The following LRRC17 variants were observed in gnomAD, a reference collection of about 807,000 sequenced individuals.
LRRC17 encodes the protein leucine rich repeat containing 17, also known as leucine-rich repeat-containing protein 17.
In LRRC17, 33 loss-of-function variants were observed where a neutral mutation model predicts 41.5. The observed-to-expected ratio is 0.80, with a 90% confidence interval of 0.60 to 1.06. The LOEUF (loss-of-function observed/expected upper bound fraction) is 1.06, where lower values mean the gene tolerates loss of function less well. Ranked by LOEUF, LRRC17 falls within the 50% of genes least tolerant of loss-of-function variation. The pLI is 0.00. For synonymous variants in LRRC17, 192 were observed against 197.0 expected (o/e 0.97, Z 0.21); for missense variants, 491 against 519.3 (o/e 0.95, Z 0.53).
chr7:102,918,523 A>ACTACACCCT (rs1402514982), intron 1 of LRRC17, among the ~76,000 whole-genome samples: 3 of 152,232 alleles, frequency 2.0e-5, no homozygotes, highest in African/African-American at 7.2e-5. Context: ...TGTGATATAA[A>ACTACACCCT]CTACACCCTG....
chr7:102,916,285 C>A (rs1211091143), intron 1 of LRRC17, among the ~76,000 whole-genome samples: 2 of 152,138 alleles, frequency 1.3e-5, no homozygotes, highest in Non-Finnish European at 2.9e-5. Context: ...GTGCAACTAG[C>A]CGAGATGAGT....
chr7:102,938,210 T>C (rs1820702993), intron 2 of LRRC17, among the ~76,000 whole-genome samples: 1 of 152,230 alleles, frequency 6.6e-6, no homozygotes, highest in Non-Finnish European at 1.5e-5. Context: ...TAGCTTCACA[T>C]TGACCAGAAT....
chr7:102,920,852 G>A (rs548843612), intron 1 of LRRC17, among the ~76,000 whole-genome samples: 1 of 152,172 alleles, frequency 6.6e-6, no homozygotes, highest in Non-Finnish European at 1.5e-5. Context: ...TAACTATGTT[G>A]ATAACAGTTA....
chr7:102,921,846 C>T (rs746402402), intron 1 of LRRC17, among the ~76,000 whole-genome samples: 7 of 152,064 alleles, frequency 4.6e-5, no homozygotes, highest in Non-Finnish European at 1.0e-4. Context: ...AAAGCAGAAG[C>T]TCAACTGAAG....
At chr7:102,916,810 T>C (rs1815974794) in intron 1 of LRRC17, among the ~76,000 whole-genome samples, 1 of 151,846 alleles carries the variant, frequency 6.6e-6, no homozygotes, top group Admixed American at 6.6e-5. Flanking sequence ...GTGTGAGTCC[T>C]CTCTTTGTGA....
At chr7:102,918,628 G>A (rs1033928756) in intron 1 of LRRC17, among the ~76,000 whole-genome samples, 1 of 152,168 alleles carries the variant, frequency 6.6e-6, no homozygotes, top group Non-Finnish European at 1.5e-5. Flanking sequence ...CCAGCCTGGG[G>A]AACATAGTGA....
At position 102,934,240 on chromosome 7, in the gene LRRC17, C is replaced by T. The variant is rs768111544; in HGVS notation, c.327C>T (p.Ser109=). 1.2e-6 allele frequency: 2 copies of T among 1,614,192 alleles called. No individual in the cohort carries two copies. The highest frequency in any genetic ancestry group is 3.3e-5 in the Admixed American group (2 of 60,020). The change falls in exon 2 of 4, where the codon AGC becomes AGT. Residue 109 remains serine (S), a synonymous_variant. Coordinates refer to ENST00000339431, the MANE Select transcript of LRRC17 (RefSeq NM_001031692.3). ...NMFSKFKKLK[S]LDLQQNEISK... is the part of the protein sequence containing the mutation. ...TTTCCAAGTTTAAAAAGCTGAAAAG[C>T]CTGGATCTGCAGCAGAATGAGATCT... is the stretch of plus-strand genomic sequence containing the variant.
In LRRC17 at chr7:102,934,285, G is replaced by T. The variant is rs767789939; in HGVS notation, c.372G>T (p.Ala124=). 7 of 1,614,068 alleles carry T rather than the reference G, an allele frequency of 4.3e-6. No individual in the cohort carries two copies. Among genetic ancestry groups the T allele is most frequent in the Non-Finnish European group, 5.9e-6 (7 of 1,180,004 alleles). Residue 124 remains alanine (A), a synonymous_variant, in exon 2 of 4, where the codon GCG becomes GCT. Transcript: ENST00000339431. The part of the protein sequence containing the change: ...QNEISKIESE[A]FFGLNKLTTL... ...AGATCTCTAAAATTGAGAGTGAGGC[G>T]TTCTTTGGTTTAAACAAACTCACCA...
At chr7:102,918,174 T>C (rs899517503) in intron 1 of LRRC17, among the ~76,000 whole-genome samples, 2 of 152,134 alleles carry the variant, frequency 1.3e-5, no homozygotes, top group African/African-American at 4.8e-5. Context: ...TTTGAAACAA[T>C]GGAAAATAGA....
At position 102,934,238 on chromosome 7, in the gene LRRC17, A is replaced by G; in HGVS notation, c.325A>G (p.Ser109Gly). 1 of 1,614,228 alleles carries G rather than the reference A, an allele frequency of 6.2e-7. No individual in the cohort carries two copies. Among genetic ancestry groups the G allele is most frequent in the East Asian group, 2.2e-5 (1 of 44,888 alleles). Residue 109 changes from serine (S) to glycine (G), a missense_variant, in exon 2 of 4, where the codon AGC (serine) becomes GGC (glycine). By Grantham distance (56) the Ser-to-Gly change is moderately conservative. Coordinates refer to ENST00000339431, the MANE Select transcript of LRRC17 (RefSeq NM_001031692.3). ...NMFSKFKKLK[S>G]LDLQQNEISK... is the part of the protein sequence containing the mutation. ...GTTTTCCAAGTTTAAAAAGCTGAAA[A>G]GCCTGGATCTGCAGCAGAATGAGAT... is the stretch of plus-strand genomic sequence containing the variant.
chr7:102,942,876 G>A (rs1366867148), intron 3 of LRRC17, among the ~76,000 whole-genome samples: 1 of 152,104 alleles, frequency 6.6e-6, no homozygotes, highest in African/African-American at 2.4e-5. Context: ...ATGAGATAAT[G>A]TTTGAAATAG....
At chr7:102,920,513 C>A (rs1265609424) in intron 1 of LRRC17, among the ~76,000 whole-genome samples, 1 of 152,060 alleles carries the variant, frequency 6.6e-6, no homozygotes, top group Non-Finnish European at 1.5e-5. Context: ...CCACACCCAA[C>A]TAATTTTTGT....
chr7:102,942,400 T>C, intron 3 of LRRC17: 2 of 1,399,856 alleles, frequency 1.4e-6, no homozygotes, highest in Middle Eastern at 1.8e-4. Flanking sequence ...ATAACAATCA[T>C]ATAAAATGCC....
At chr7:102,938,435 C>T (rs1458661852) in intron 2 of LRRC17, among the ~76,000 whole-genome samples, 4 of 152,148 alleles carry the variant, frequency 2.6e-5, no homozygotes, top group Non-Finnish European at 5.9e-5. Context: ...TGCTGACAAC[C>T]AATATAGCCT....
intron 1 of LRRC17, among the ~76,000 whole-genome samples, chr7:102,920,156 G>A (rs911324079): frequency 6.6e-6 from 1 of 152,086 alleles, no homozygotes; most frequent in African/African-American, 2.4e-5. Flanking sequence ...TCTTGACTTT[G>A]GTAATTAGAT....
At chr7:102,913,785 A>G (rs1383504686) in intron 1 of LRRC17, among the ~76,000 whole-genome samples, 1 of 152,252 alleles carries the variant, frequency 6.6e-6, no homozygotes, top group African/African-American at 2.4e-5. Flanking sequence ...TGACAGTTTC[A>G]TTATTATAGT....
chr7:102,924,617 C>G (rs1225684727), intron 1 of LRRC17, among the ~76,000 whole-genome samples: 1 of 149,716 alleles, frequency 6.7e-6, no homozygotes, highest in Non-Finnish European at 1.5e-5. Context: ...AAATTATCAC[C>G]GAGAATTTTC....
At chr7:102,924,379 TTATA>T (rs1417797488) in intron 1 of LRRC17, among the ~76,000 whole-genome samples, 2 of 152,148 alleles carry the variant, frequency 1.3e-5, no homozygotes. Context: ...TCTAGATTGA[TTATA>T]TATTTAAGTA....
At chr7:102,935,037 C>G (rs1415629455) in intron 2 of LRRC17, among the ~76,000 whole-genome samples, 1 of 152,074 alleles carries the variant, frequency 6.6e-6, no homozygotes, top group Non-Finnish European at 1.5e-5. Flanking sequence ...CAAATGCCAT[C>G]TATATAACCT....
Sources: allele counts gnomAD v4.1 joint callset (sites outside exome capture counted in the v4.1 genomes callset), GRCh38; gene constraint gnomAD v4.1.1; transcripts MANE v1.5; gene names NCBI Gene and HGNC (gene_info 2026-07-23, HGNC 2026-07-21).